Variants in UGGT2 observed in about 807,000 individuals in gnomAD.
UGGT2 encodes UDP-glucose glycoprotein glucosyltransferase 2.
Under a neutral mutation model 192.1 loss-of-function variants are expected in UGGT2, and 180 were observed. The ratio of observed to expected loss-of-function variants is 0.94; its 90% CI spans 0.83 to 1.06. The LOEUF is 1.06. Among genes scored for constraint, UGGT2 ranks in the 50% least tolerant of loss-of-function variants. UGGT2 has a pLI of 0.00. For missense variants in UGGT2, 1,849 were observed against 1,795.7 expected, an observed-to-expected ratio of 1.03 and a Z score of -0.54; for synonymous variants, 580 against 591.0, an observed-to-expected ratio of 0.98 and a Z score of 0.27.
At chr13:96,023,549 A>G in intron 3 of UGGT2, 80 bp downstream of exon 3, 1 of 1,409,464 alleles carries the variant, frequency 7.1e-7, no homozygotes. Flanking sequence ...ATTTTGAACT[A>G]AAGATGTTCA....
At chr13:95,934,478 G>A (rs577336050) in intron 17 of UGGT2, among the ~76,000 whole-genome samples, 34 of 152,280 alleles carry the variant, frequency 2.2e-4, no homozygotes, top group African/African-American at 7.9e-4. Flanking sequence ...AAATGGCAAG[G>A]AGCCAGCTAA....
chr13:95,949,567 T>C lies in UGGT2; in HGVS notation c.1336-113A>G. Reference sequence around the variant, plus strand: ...AAATATACATAGAATTTTCTATATTTCTGATTAAATAGAGGAGCTAGTTTA... The same window carrying C: ...AAATATACATAGAATTTTCTATATTCCTGATTAAATAGAGGAGCTAGTTTA... On this transcript the variant is annotated intron_variant, in intron 12 of 38. Coordinates refer to ENST00000376747, the MANE Select transcript of UGGT2 (RefSeq NM_020121.4). The C allele has an allele frequency of 3.7e-6, 4 of 1,073,732 alleles. No individual in the cohort carries two copies. The South Asian group carries it at 1.4e-4, about 38-fold the overall frequency. The allele number at this position is 1,073,732 out of a possible 1,614,324, so 66.5% of individuals were successfully genotyped here.
At chr13:96,001,040 G>A (rs1347240023) in intron 5 of UGGT2, among the ~76,000 whole-genome samples, 1 of 152,140 alleles carries the variant, frequency 6.6e-6, no homozygotes, top group Non-Finnish European at 1.5e-5. Flanking sequence ...GTTACTAAAT[G>A]CCCAGATAGT....
chr13:96,045,230 A>T (rs2053274317), intron 1 of UGGT2, among the ~76,000 whole-genome samples: 1 of 152,198 alleles, frequency 6.6e-6, no homozygotes, highest in African/African-American at 2.4e-5. Context: ...ATTAAAAATA[A>T]ATATTACATG....
At chr13:96,008,968 AG>A (rs2052069757) in intron 5 of UGGT2, among the ~76,000 whole-genome samples, 1 of 152,144 alleles carries the variant, frequency 6.6e-6, no homozygotes, top group Admixed American at 6.5e-5. Context: ...TAACCAAAAC[AG>A]CATGGTACTG....
chr13:95,822,570 C>T (rs746775871), intron 38 of UGGT2, among the ~76,000 whole-genome samples: 2 of 151,940 alleles, frequency 1.3e-5, no homozygotes, highest in Non-Finnish European at 2.9e-5. Flanking sequence ...CTAGGACTTC[C>T]AGTACTATGC....
intron 1 of UGGT2, among the ~76,000 whole-genome samples, chr13:96,037,461 T>G (rs1256131401): frequency 6.6e-6 from 1 of 152,182 alleles, no homozygotes; most frequent in Non-Finnish European, 1.5e-5. Context: ...CCTCCCCAAG[T>G]GCTGGGACTA....
chr13:95,903,746 T>G (rs1252105186), intron 20 of UGGT2, among the ~76,000 whole-genome samples: 2 of 152,164 alleles, frequency 1.3e-5, no homozygotes, highest in African/African-American at 2.4e-5. Flanking sequence ...TCTTCCAGTT[T>G]AGAGCTCTAA....
chr13:95,904,154 T>C (rs1323750900), intron 20 of UGGT2, among the ~76,000 whole-genome samples: 2 of 152,126 alleles, frequency 1.3e-5, no homozygotes, highest in Non-Finnish European at 2.9e-5. Flanking sequence ...TGTAGTGTAC[T>C]GATGATGTGT....
intron 20 of UGGT2, among the ~76,000 whole-genome samples, chr13:95,915,977 G>A (rs902607519): frequency 6.6e-6 from 1 of 152,106 alleles, no homozygotes; most frequent in Admixed American, 6.5e-5. Flanking sequence ...CCACTCAGCC[G>A]GCTCTGGAGA....
chr13:96,016,859 G>A (rs2052354977), intron 4 of UGGT2, among the ~76,000 whole-genome samples: 1 of 152,196 alleles, frequency 6.6e-6, no homozygotes, highest in South Asian at 2.1e-4. Flanking sequence ...AAAACCCAGA[G>A]GTACTCAACC....
intron 36 of UGGT2, among the ~76,000 whole-genome samples, chr13:95,837,500 T>A (rs1000723898): frequency 1.6e-4 from 25 of 152,200 alleles, no homozygotes; most frequent in African/African-American, 6.0e-4. Flanking sequence ...ACAGCCTCAC[T>A]ACCTCTATCT....
intron 19 of UGGT2, among the ~76,000 whole-genome samples, chr13:95,926,678 T>C (rs911257686): frequency 6.6e-6 from 1 of 152,134 alleles, no homozygotes; most frequent in Non-Finnish European, 1.5e-5. Context: ...AATATCTGCA[T>C]GTTATTTAAT....
chr13:95,852,885 G>C (rs1300447308), intron 36 of UGGT2, among the ~76,000 whole-genome samples: 1 of 152,208 alleles, frequency 6.6e-6, no homozygotes, highest in East Asian at 1.9e-4. Flanking sequence ...TTTACACAAT[G>C]ATGGAAAAGA....
chr13:95,818,887 AAG>A (rs1353183383), intron 38 of UGGT2, among the ~76,000 whole-genome samples: 2 of 152,138 alleles, frequency 1.3e-5, no homozygotes, highest in Non-Finnish European at 2.9e-5. Context: ...GGACACATGG[AAG>A]AGTTACCTCT....
At chr13:95,938,427 A>T in intron 16 of UGGT2, among the ~76,000 whole-genome samples, 1 of 152,216 alleles carries the variant, frequency 6.6e-6, no homozygotes, top group East Asian at 1.9e-4. Context: ...TAGGAAGCCA[A>T]GTACTACTAT....
intron 11 of UGGT2, among the ~76,000 whole-genome samples, chr13:95,971,076 C>A (rs562779168): frequency 2.8e-4 from 42 of 152,222 alleles, no homozygotes; most frequent in Admixed American, 2.6e-4. Context: ...TGGCTCCTCC[C>A]GCTACTCTCA....
intron 20 of UGGT2, among the ~76,000 whole-genome samples, chr13:95,907,768 G>A (rs2048339068): frequency 6.6e-6 from 1 of 152,202 alleles, no homozygotes; most frequent in Admixed American, 6.5e-5. Flanking sequence ...ACCAAAGGTA[G>A]ATAACACCAC....
intron 20 of UGGT2, among the ~76,000 whole-genome samples, chr13:95,918,526 C>G (rs1049635401): frequency 6.6e-6 from 1 of 151,938 alleles, no homozygotes; most frequent in Non-Finnish European, 1.5e-5. Context: ...AAACCACGAT[C>G]AGAGCTGAAC....
Sources: gnomAD v4.1 joint callset for allele counts (sites outside exome capture counted in the v4.1 genomes callset) on GRCh38, gnomAD v4.1.1 for gene constraint, MANE v1.5 for transcripts, NCBI Gene and HGNC (gene_info 2026-07-23, HGNC 2026-07-21) for gene names.